The following CELF4 variants were observed in gnomAD, a reference collection of about 807,000 sequenced individuals.
CELF4 encodes the protein CUG-BP- and ETR-3-like factor 4.
In CELF4, 18 loss-of-function variants were observed where a neutral mutation model predicts 59.9. The ratio of observed to expected loss-of-function variants is 0.30; its 90% CI spans 0.21 to 0.45. The LOEUF (loss-of-function observed/expected upper bound fraction) is 0.45, where lower values mean the gene tolerates loss of function less well. Among genes scored for constraint, CELF4 ranks in the 20% least tolerant of loss-of-function variants. The probability of loss-of-function intolerance (pLI) is 1.00; values close to 1 mark genes in which losing one functional copy is unlikely to be tolerated. For synonymous variants in CELF4, 261 were observed against 267.1 expected (o/e 0.98, Z 0.22); for missense variants, 456 against 689.0 (o/e 0.66, Z 3.79).
At chr18:37,528,159 G>A (rs1363265188) in intron 1 of CELF4, among the ~76,000 whole-genome samples, 2 of 152,136 alleles carry the variant, frequency 1.3e-5, no homozygotes, top group East Asian at 3.8e-4. Flanking sequence ...CAAATATTAA[G>A]CATTTTCTGA....
intron 2 of CELF4, among the ~76,000 whole-genome samples, chr18:37,397,155 C>A (rs2099255501): frequency 6.6e-6 from 1 of 152,212 alleles, no homozygotes; most frequent in South Asian, 2.1e-4. Flanking sequence ...AGGACTGCTG[C>A]TGTCCTCTCT....
At chr18:37,519,633 A>C (rs1453672233) in intron 1 of CELF4, among the ~76,000 whole-genome samples, 1 of 152,198 alleles carries the variant, frequency 6.6e-6, no homozygotes, top group Admixed American at 6.5e-5. Flanking sequence ...GTGGGCAGCG[A>C]GGAGTATGTC....
At chr18:37,405,966 C>T (rs528170404) in intron 2 of CELF4, among the ~76,000 whole-genome samples, 23 of 152,274 alleles carry the variant, frequency 1.5e-4, no homozygotes, top group Admixed American at 1.1e-3. Context: ...AACACCCCCA[C>T]GCTCCCATTT....
chr18:37,259,043 A>G (rs1297329578), intron 11 of CELF4, 138 bp downstream of exon 11: 2 of 1,380,222 alleles, frequency 1.4e-6, no homozygotes, highest in Non-Finnish European at 2.0e-6. Context: ...GCAGGTTAAA[A>G]GCAGTCGGAC....
chr18:37,454,416 G>T (rs1359296353), intron 2 of CELF4, among the ~76,000 whole-genome samples: 2 of 152,144 alleles, frequency 1.3e-5, no homozygotes, highest in Non-Finnish European at 2.9e-5. Context: ...ACCCTCTCTT[G>T]CTTGGGTGGG....
At chr18:37,530,782 T>C (rs947600424) in intron 1 of CELF4, among the ~76,000 whole-genome samples, 1 of 151,944 alleles carries the variant, frequency 6.6e-6, no homozygotes, top group Non-Finnish European at 1.5e-5. Context: ...TTCGGCCCTA[T>C]CTCTAATCTT....
chr18:37,434,755 C>T (rs2099684249), intron 2 of CELF4, among the ~76,000 whole-genome samples: 2 of 152,104 alleles, frequency 1.3e-5, no homozygotes, highest in Admixed American at 1.3e-4. Flanking sequence ...GTCCCACGGC[C>T]CTTTCAGTGT....
intron 1 of CELF4, among the ~76,000 whole-genome samples, chr18:37,558,986 A>C (rs2099985745): frequency 6.6e-6 from 1 of 152,074 alleles, no homozygotes; most frequent in Non-Finnish European, 1.5e-5. Context: ...GGTGAGCAGA[A>C]GCAGGCCAGC....
At chr18:37,388,299 C>T (rs377128794) in intron 2 of CELF4, among the ~76,000 whole-genome samples, 150 of 152,214 alleles carry the variant, frequency 9.9e-4, no homozygotes, top group African/African-American at 3.4e-3. Context: ...ACTGTCCCTT[C>T]TCCCCAAACA....
chr18:37,440,873 T>G (rs1233774314), intron 2 of CELF4, among the ~76,000 whole-genome samples: 1 of 152,180 alleles, frequency 6.6e-6, no homozygotes, highest in Admixed American at 6.5e-5. Flanking sequence ...TGGGCCTTGG[T>G]TTCCCTGTTG....
chr18:37,516,681 T>A (rs908424269), intron 1 of CELF4, among the ~76,000 whole-genome samples: 2 of 152,198 alleles, frequency 1.3e-5, no homozygotes, highest in Admixed American at 6.5e-5. Flanking sequence ...TGAACACATA[T>A]GTGTGGCAGA....
At chr18:37,506,358 G>C (rs1380613014) in intron 1 of CELF4, among the ~76,000 whole-genome samples, 1 of 152,164 alleles carries the variant, frequency 6.6e-6, no homozygotes, top group African/African-American at 2.4e-5. Context: ...GGGAGATGTG[G>C]AGATGTGGAC....
In CELF4 at chr18:37,287,611, C is replaced by T. The variant is rs553638899; in HGVS notation, c.449-12368G>A. 3.9e-5 allele frequency among the ~76,000 whole-genome samples: 6 copies of T among 152,340 alleles called. No homozygotes were observed. In the East Asian group the frequency reaches 7.7e-4, roughly 20 times the overall value. On this transcript the variant is annotated intron_variant, in intron 3 of 12. Coordinates refer to ENST00000420428, the MANE Select transcript of CELF4 (RefSeq NM_020180.4). Reference sequence around the variant, plus strand: ...CCTGCTCTGAGTGGGGAATCCCAGGCCCCTGTTTCTCAGGCCTCTGGGTTC... The same window carrying T: ...CCTGCTCTGAGTGGGGAATCCCAGGTCCCTGTTTCTCAGGCCTCTGGGTTC...
chr18:37,391,916 T>C (rs1298311602), intron 2 of CELF4, among the ~76,000 whole-genome samples: 1 of 152,224 alleles, frequency 6.6e-6, no homozygotes, highest in Non-Finnish European at 1.5e-5. Context: ...CTGCGGAGTT[T>C]CGCCTGTCTT....
chr18:37,419,058 A>G (rs2099552040), intron 2 of CELF4, among the ~76,000 whole-genome samples: 1 of 152,210 alleles, frequency 6.6e-6, no homozygotes, highest in Non-Finnish European at 1.5e-5. Context: ...GGGGTGTCCA[A>G]CAGTGAACTC....
At chr18:37,562,377 C>CT (rs5824077) in intron 1 of CELF4, among the ~76,000 whole-genome samples, 129,650 of 145,844 alleles carry the variant, frequency 0.89, 58,807 homozygotes, top group Non-Finnish European at 0.98. Flanking sequence ...TTTCCTTTTC[C>CT]TTTTTTTTTT....
chr18:37,374,871 G>A (rs1440073257), intron 2 of CELF4, among the ~76,000 whole-genome samples: 2 of 152,206 alleles, frequency 1.3e-5, no homozygotes, highest in Admixed American at 6.5e-5. Context: ...TCTAAATGGT[G>A]GGAGGAGGTT....
At chr18:37,520,537 A>T (rs2099956151) in intron 1 of CELF4, among the ~76,000 whole-genome samples, 1 of 151,970 alleles carries the variant, frequency 6.6e-6, no homozygotes, top group Non-Finnish European at 1.5e-5. Context: ...TGCTCTCTGG[A>T]AAAAAGGTGT....
intron 2 of CELF4, among the ~76,000 whole-genome samples, chr18:37,411,570 T>C (rs1419933588): frequency 6.6e-6 from 1 of 152,230 alleles, no homozygotes; most frequent in East Asian, 1.9e-4. Flanking sequence ...GCTTCTCACT[T>C]TCTGATGGGT....
Sources: gnomAD v4.1 joint callset for allele counts (sites outside exome capture counted in the v4.1 genomes callset) on GRCh38, gnomAD v4.1.1 for gene constraint, MANE v1.5 for transcripts, NCBI Gene and HGNC (gene_info 2026-07-23, HGNC 2026-07-21) for gene names.